UQCC1: variants seen among roughly 807,000 people sequenced by gnomAD.
UQCC1 encodes the protein bFGF-repressed Zic-binding protein.
A neutral mutation model predicts 48.0 loss-of-function variants in UQCC1; 38 were observed. The ratio of observed to expected loss-of-function variants is 0.79; its 90% confidence interval spans 0.61 to 1.04. The LOEUF (loss-of-function observed/expected upper bound fraction) is 1.04. UQCC1 is among the 50% of genes least tolerant of loss of function. The pLI, the probability that UQCC1 is intolerant of heterozygous loss-of-function variation, is 0.00. For missense variants in UQCC1, 368 were observed against 381.8 expected (o/e 0.96, Z 0.30); for synonymous variants, 111 against 129.2 (o/e 0.86, Z 0.95).
intron 6 of UQCC1, among the ~76,000 whole-genome samples, 167 bp from the exon 7 acceptor site, chr20:35,347,439 A>ATTAAGTGTATAAATC: frequency 6.6e-6 from 1 of 152,070 alleles, no homozygotes; most frequent in Non-Finnish European, 1.5e-5. Context: ...CAAAGATACT[A>ATTAAGTGTATAAATC]TTAAGTGTAT....
intron 7 of UQCC1, among the ~76,000 whole-genome samples, chr20:35,324,572 C>T (rs1383314817): frequency 1.3e-5 from 2 of 152,056 alleles, no homozygotes; most frequent in Non-Finnish European, 2.9e-5. Context: ...GTGATCTGCC[C>T]GCCTTGGCCT....
At chr20:35,333,925 T>C (rs968503039) in intron 7 of UQCC1, among the ~76,000 whole-genome samples, 1 of 152,142 alleles carries the variant, frequency 6.6e-6, no homozygotes, top group African/African-American at 2.4e-5. Context: ...GCAGTGACCA[T>C]GGAAAGAGCT....
At chr20:35,346,620 CAT>C (rs200114331) in intron 7 of UQCC1, 60 of 168,040 alleles carry the variant, frequency 3.6e-4, no homozygotes, top group South Asian at 1.4e-3. Flanking sequence ...TCCCATGTGA[CAT>C]ATATATATAT....
chr20:35,343,899 A>G (rs2061406790), intron 7 of UQCC1, among the ~76,000 whole-genome samples: 1 of 152,228 alleles, frequency 6.6e-6, no homozygotes, highest in Non-Finnish European at 1.5e-5. Context: ...TAGGCACATT[A>G]AAGTATGAGA....
intron 7 of UQCC1, among the ~76,000 whole-genome samples, chr20:35,323,129 G>T (rs1042816378): frequency 6.6e-6 from 1 of 152,152 alleles, no homozygotes; most frequent in Non-Finnish European, 1.5e-5. Context: ...TTGCAGGCGT[G>T]AGCCACCGCG....
chr20:35,374,207 G>C lies in UQCC1; in HGVS notation c.383C>G (p.Thr128Ser), dbSNP rs1209682494. The change falls in exon 5 of 10, where the codon ACT becomes AGT. Residue 128 changes from threonine (T) to serine (S), a missense_variant. Thr to Ser is a moderately conservative substitution (Grantham distance 58). Coordinates refer to ENST00000374385, the MANE Select transcript of UQCC1 (RefSeq NM_018244.5). ...LRMYTSCVEKTDFEEFFLRCQ... is the reference protein window; with the variant it reads ...LRMYTSCVEKSDFEEFFLRCQ... ...ACTTAGAAAGAATTCCTCGAAGTCA[G>C]TTTTCTCCACACAGCTAGTATACAT... is the stretch of plus-strand genomic sequence containing the variant. 1.9e-6 allele frequency: 3 copies of C among 1,612,334 alleles called. No individual in the cohort carries two copies. In the South Asian group the frequency reaches 3.3e-5, roughly 18 times the overall value.
intron 6 of UQCC1, among the ~76,000 whole-genome samples, chr20:35,354,821 G>C (rs2061527844): frequency 6.6e-6 from 1 of 152,166 alleles, no homozygotes; most frequent in South Asian, 2.1e-4. Flanking sequence ...CTTGGAAACT[G>C]TAACTGTAAG....
chr20:35,402,586 A>G (rs2062181313), intron 1 of UQCC1, among the ~76,000 whole-genome samples: 1 of 101,008 alleles, frequency 9.9e-6, no homozygotes. Context: ...TCAAAAAACA[A>G]ACAAACAAAC....
intron 9 of UQCC1, 48 bp downstream of exon 9, chr20:35,306,612 AGAGGAG>A: frequency 7.1e-7 from 1 of 1,407,004 alleles, no homozygotes; most frequent in Admixed American, 1.7e-5. Flanking sequence ...TGAAAGCCCA[AGAGGAG>A]GACCCACTGT....
intron 6 of UQCC1, among the ~76,000 whole-genome samples, chr20:35,364,744 A>G (rs2061646921): frequency 6.6e-6 from 1 of 152,242 alleles, no homozygotes; most frequent in Admixed American, 6.5e-5. Context: ...TGGAAACTTT[A>G]AAGAACTATA....
chr20:35,366,227 T>A (rs551577307), intron 6 of UQCC1, among the ~76,000 whole-genome samples: 1 of 152,304 alleles, frequency 6.6e-6, no homozygotes, highest in East Asian at 1.9e-4. Context: ...CAAACCACTT[T>A]TACGTAAATG....
intron 6 of UQCC1, among the ~76,000 whole-genome samples, chr20:35,355,373 C>T (rs1047501956): frequency 2.6e-5 from 4 of 152,210 alleles, no homozygotes; most frequent in Non-Finnish European, 5.9e-5. Context: ...TTCTGATCCA[C>T]AGGGCTGTCC....
chr20:35,317,228 G>A (rs1240531629), intron 7 of UQCC1, among the ~76,000 whole-genome samples: 22 of 149,912 alleles, frequency 1.5e-4, no homozygotes, highest in East Asian at 6.0e-4. Context: ...GTGAGCCACT[G>A]CGCCCGGCCC....
At chr20:35,341,636 T>C (rs2061379895) in intron 7 of UQCC1, among the ~76,000 whole-genome samples, 1 of 152,018 alleles carries the variant, frequency 6.6e-6, no homozygotes, top group Admixed American at 6.5e-5. Context: ...TGATACAAAA[T>C]AGAAAGAGTA....
intron 7 of UQCC1, 103 bp downstream of exon 7, chr20:35,347,056 GCATTT>G (rs773636015): frequency 1.2e-6 from 2 of 1,611,364 alleles, no homozygotes; most frequent in Non-Finnish European, 1.7e-6. Context: ...ATATTAGGCA[GCATTT>G]CACAGAAATC....
chr20:35,377,549 T>G (rs1051385253), intron 4 of UQCC1, among the ~76,000 whole-genome samples: 4 of 152,272 alleles, frequency 2.6e-5, no homozygotes, highest in African/African-American at 9.6e-5. Context: ...TGCCTGGCAC[T>G]GATCTGGATG....
At chr20:35,316,067 T>C (rs577331075) in intron 7 of UQCC1, among the ~76,000 whole-genome samples, 70 of 152,268 alleles carry the variant, frequency 4.6e-4, no homozygotes, top group Non-Finnish European at 6.2e-4. Context: ...AGTAACACGC[T>C]GTAAGGCAGG....
chr20:35,360,044 T>C (rs1224708466), intron 6 of UQCC1, among the ~76,000 whole-genome samples: 1 of 152,198 alleles, frequency 6.6e-6, no homozygotes, highest in Non-Finnish European at 1.5e-5. Context: ...ACACCTGGCC[T>C]GCAGCTTGCC....
At chr20:35,309,529 G>A (rs1488065027) in intron 8 of UQCC1, among the ~76,000 whole-genome samples, 1 of 152,084 alleles carries the variant, frequency 6.6e-6, no homozygotes, top group Non-Finnish European at 1.5e-5. Context: ...ACAAATGAGA[G>A]ACTAATCTGA....
Sources: allele counts gnomAD v4.1 joint callset (sites outside exome capture counted in the v4.1 genomes callset), GRCh38; gene constraint gnomAD v4.1.1; transcripts MANE v1.5; gene names NCBI Gene and HGNC (gene_info 2026-07-23, HGNC 2026-07-21).